LARGE1: variants seen among roughly 807,000 people sequenced by gnomAD.
LARGE1 encodes the protein LARGE xylosyl- and glucuronyltransferase 1.
LARGE1 carries 43 observed loss-of-function variants against 87.6 expected under a neutral mutation model. The observed-to-expected ratio is 0.49, with a 90% CI of 0.38 to 0.63. The LOEUF (loss-of-function observed/expected upper bound fraction) is 0.63, where lower values mean the gene tolerates loss of function less well. Among genes scored for constraint, LARGE1 ranks in the 30% least tolerant of loss-of-function variants. The pLI, the probability that LARGE1 is intolerant of heterozygous loss-of-function variation, is 0.00. For missense variants in LARGE1, 802 were observed against 1,000.2 expected, an observed-to-expected ratio of 0.80 and a Z score of 2.67; for synonymous variants, 434 against 394.6, an observed-to-expected ratio of 1.10 and a Z score of -1.18.
At chr22:33,487,673 A>G (rs2069646196) in intron 6 of LARGE1, among the ~76,000 whole-genome samples, 1 of 152,136 alleles carries the variant, frequency 6.6e-6, no homozygotes, top group African/African-American at 2.4e-5. Context: ...GGCCTCCTTT[A>G]GCTGAGTAAG....
the LARGE1 span, among the ~76,000 whole-genome samples, chr22:33,156,541 G>A: frequency 6.6e-6 from 1 of 152,158 alleles, no homozygotes; most frequent in Non-Finnish European, 1.5e-5. Flanking sequence ...CATTTGGAAT[G>A]GTTGTATTTA....
At chr22:33,207,959 C>T (rs1924768502) in intron 11 of LARGE1, among the ~76,000 whole-genome samples, 1 of 152,142 alleles carries the variant, frequency 6.6e-6, no homozygotes, top group Non-Finnish European at 1.5e-5. Flanking sequence ...TTTAGGCAAT[C>T]TTTTCAAATT....
rs1466949881 is a variant in LARGE1, at chr22:33,884,681, C to T, written c.-83+35314G>A. On this transcript the variant is annotated intron_variant, in intron 1 of 14. Transcript: ENST00000397394. ...GGCCGGCAACCCCGCCTTTAATCTG[C>T]CTACCCAGGGAAGGAAAGCCTCCAC... Among the ~76,000 whole-genome samples the T allele has an allele frequency of 2.6e-5, 4 of 152,234 alleles. No homozygotes were observed. The East Asian group carries it at 7.7e-4, about 29-fold the overall frequency.
chr22:33,241,549 T>C (rs1255060769), intron 11 of LARGE1, among the ~76,000 whole-genome samples: 1 of 152,004 alleles, frequency 6.6e-6, no homozygotes, highest in Admixed American at 6.6e-5. Flanking sequence ...TGTGTATATA[T>C]GTATATGTAT....
chr22:33,777,924 C>T (rs967219278), intron 1 of LARGE1, among the ~76,000 whole-genome samples: 2 of 152,168 alleles, frequency 1.3e-5, no homozygotes, highest in African/African-American at 2.4e-5. Flanking sequence ...CACAGGGTAA[C>T]ACTATGCTGA....
At chr22:33,841,324 G>A (rs1217423994) in intron 1 of LARGE1, among the ~76,000 whole-genome samples, 3 of 152,084 alleles carry the variant, frequency 2.0e-5, no homozygotes, top group Non-Finnish European at 4.4e-5. Flanking sequence ...TCAAACTAAT[G>A]CAGGCAAAAT....
the LARGE1 span, among the ~76,000 whole-genome samples, chr22:33,103,004 C>A: frequency 9.2e-5 from 14 of 152,216 alleles, no homozygotes; most frequent in African/African-American, 2.9e-4. Flanking sequence ...AATTTTTGGA[C>A]GTCCCCTAGG....
chr22:33,537,628 G>A (rs894606584), intron 6 of LARGE1, among the ~76,000 whole-genome samples: 7 of 152,012 alleles, frequency 4.6e-5, no homozygotes, highest in East Asian at 3.9e-4. Context: ...GTGCAATGGC[G>A]CAGTCTCGGT....
the LARGE1 span, among the ~76,000 whole-genome samples, chr22:33,101,791 G>A: frequency 6.6e-6 from 1 of 152,158 alleles, no homozygotes. Flanking sequence ...AGGAAGATAT[G>A]TCACCAGGCT....
At chr22:33,747,964 C>G (rs993537939) in intron 2 of LARGE1, 13 of 144,522 alleles carry the variant, frequency 9.0e-5, no homozygotes, top group Non-Finnish European at 1.8e-4. Context: ...GGGACACCAC[C>G]TCAAGCATCC....
At chr22:33,590,682 T>C (rs738972) in intron 5 of LARGE1, among the ~76,000 whole-genome samples, 38,539 of 152,050 alleles carry the variant, frequency 0.25, 5,718 homozygotes, top group African/African-American at 0.41. Flanking sequence ...ACATCAAACC[T>C]TCTCACTGGC....
At chr22:33,890,380 G>A (rs1303783518) in intron 1 of LARGE1, among the ~76,000 whole-genome samples, 1 of 151,742 alleles carries the variant, frequency 6.6e-6, no homozygotes, top group Non-Finnish European at 1.5e-5. Context: ...ACAGTAGTTG[G>A]TGCTTAAAAA....
rs775097155 is a variant in LARGE1 at position 33,650,388 on chromosome 22, C to T, written c.387G>A (p.Gln129=). 1 of 1,614,126 alleles carries T rather than the reference C, an allele frequency of 6.2e-7. No homozygotes were observed. The highest frequency in any genetic ancestry group is 1.7e-5 in the Admixed American group (1 of 60,030). The part of the protein sequence containing the change: ...VAGNSSECGQ[Q]PVVEKCETIH... ...TTACCTCGCATTTCTCCACGACCGGCTGCTGCCCACACTCGGAGCTGTTGC... is the reference window on the plus strand; with the variant it reads ...TTACCTCGCATTTCTCCACGACCGGTTGCTGCCCACACTCGGAGCTGTTGC... The change falls in exon 3 of 15, where the codon CAG becomes CAA. Residue 129 remains glutamine (Q), a synonymous_variant. Coordinates refer to ENST00000397394, the MANE Select transcript of LARGE1 (RefSeq NM_133642.5).
intron 1 of LARGE1, among the ~76,000 whole-genome samples, chr22:33,807,850 G>A (rs552762875): frequency 3.3e-5 from 5 of 151,940 alleles, no homozygotes; most frequent in African/African-American, 4.8e-5. Flanking sequence ...TCTTTTCGGC[G>A]CTGAATAATA....
intron 1 of LARGE1, among the ~76,000 whole-genome samples, chr22:33,872,114 C>T (rs1275971411): frequency 6.6e-6 from 1 of 151,922 alleles, no homozygotes; most frequent in Non-Finnish European, 1.5e-5. Flanking sequence ...CTGACGTCAA[C>T]CTTTCAGCCA....
chr22:33,852,485 A>G (rs1435109577), intron 1 of LARGE1, among the ~76,000 whole-genome samples: 2 of 152,186 alleles, frequency 1.3e-5, no homozygotes, highest in Non-Finnish European at 2.9e-5. Flanking sequence ...CAAAGGTAAC[A>G]TGTGTTTTTT....
Position 33,581,807 on chromosome 22 carries a change from G to A in LARGE1, c.616-16788C>T, listed in dbSNP as rs1004331063. ...AGTCTGGGTGACAGAGTGAAACTCC[G>A]TCTCAAAAAAAAAAAAAAAAAAAAG... On this transcript the variant is annotated intron_variant, in intron 5 of 14. Transcript: ENST00000397394. Among the ~76,000 whole-genome samples, 9 of 122,470 alleles carry A rather than the reference G, an allele frequency of 7.3e-5. No individual in the cohort carries two copies. In the South Asian group the frequency reaches 1.5e-3, roughly 20 times the overall value. 80.3% of individuals were successfully genotyped at this position (122,470 alleles called of 152,430 possible).
At chr22:33,738,399 G>C (rs1241488831) in intron 2 of LARGE1, among the ~76,000 whole-genome samples, 1 of 152,140 alleles carries the variant, frequency 6.6e-6, no homozygotes, top group African/African-American at 2.4e-5. Flanking sequence ...AGGCTCTCTA[G>C]CATCAGGCAT....
intron 6 of LARGE1, among the ~76,000 whole-genome samples, chr22:33,507,874 A>G (rs1394247696): frequency 6.6e-6 from 1 of 152,062 alleles, no homozygotes; most frequent in Non-Finnish European, 1.5e-5. Context: ...ACTGTTGAGG[A>G]TTCACACTTT....
Sources: gnomAD v4.1 joint callset for allele counts (sites outside exome capture counted in the v4.1 genomes callset) on GRCh38, gnomAD v4.1.1 for gene constraint, MANE v1.5 for transcripts, NCBI Gene and HGNC (gene_info 2026-07-23, HGNC 2026-07-21) for gene names.